The following KRT39 variants were observed in gnomAD, a reference collection of about 807,000 sequenced individuals.
The protein encoded by KRT39 is keratin 39, also known as keratin, type I cytoskeletal 39.
A neutral mutation model predicts 54.8 loss-of-function variants in KRT39; 47 were observed. The observed-to-expected ratio is 0.86, with a 90% CI of 0.68 to 1.09. The LOEUF (loss-of-function observed/expected upper bound fraction) is 1.09, where lower values mean the gene tolerates loss of function less well. Among genes scored for constraint, KRT39 ranks in the 50% least tolerant of loss-of-function variants. The probability of loss-of-function intolerance (pLI) is 0.00; values close to 1 mark genes in which losing one functional copy is unlikely to be tolerated. For missense variants in KRT39, 580 were observed against 598.5 expected, an observed-to-expected ratio of 0.97 and a Z score of 0.32; for synonymous variants, 207 against 227.9, an observed-to-expected ratio of 0.91 and a Z score of 0.83.
In KRT39 at chr17:40,965,438, C is replaced by G. The variant is rs182693700; in HGVS notation, c.469-910G>C. On this transcript the variant is annotated intron_variant, in intron 1 of 6. Coordinates refer to ENST00000355612, the MANE Select transcript of KRT39 (RefSeq NM_213656.4). ...ATCCATCCTAAATTTATATAAATACCATGATCCACTAGAATGTCAACTCCA... is the reference window on the plus strand; with the variant it reads ...ATCCATCCTAAATTTATATAAATACGATGATCCACTAGAATGTCAACTCCA... Among the ~76,000 whole-genome samples the G allele has an allele frequency of 2.8e-4, 42 of 152,030 alleles. No individual in the cohort carries two copies. In the East Asian group the frequency reaches 7.7e-3, roughly 28 times the overall value.
Position 40,966,869 on chromosome 17 carries a change from G to C in KRT39, c.-13C>G. 2 of 1,554,348 alleles carry C rather than the reference G, an allele frequency of 1.3e-6. No individual in the cohort carries two copies. The highest frequency in any genetic ancestry group is 2.2e-5 in the South Asian group (2 of 89,882). On this transcript the variant is annotated 5_prime_UTR_variant, in exon 1 of 7. Transcript: ENST00000355612. ...CCTTGGTGTCCATAGTATGTGTCTG[G>C]CTTTAGTTTGTTCCAGGTCTGTGGT...
Position 40,963,800 on chromosome 17 carries a change from G to A in KRT39, c.552-17C>T. 1 of 1,558,800 alleles carries A rather than the reference G, an allele frequency of 6.4e-7. No individual in the cohort carries two copies. Among genetic ancestry groups the A allele is most frequent in the Non-Finnish European group, 8.8e-7 (1 of 1,139,944 alleles). On this transcript the variant is annotated splice_polypyrimidine_tract_variant and intron_variant, in intron 2 of 6. Coordinates refer to ENST00000355612, the MANE Select transcript of KRT39 (RefSeq NM_213656.4). ...GCTTCGTATCTTTAAAAACCAGATG[G>A]GAAAAGAGAGACATCTGAAAGGAGA...
intron 3 of KRT39, among the ~76,000 whole-genome samples, chr17:40,963,027 A>G (rs1183730722): frequency 1.3e-5 from 2 of 152,162 alleles, no homozygotes; most frequent in African/African-American, 4.8e-5. Context: ...CTTCTTGTAG[A>G]AAAGCTGGAG....
chr17:40,960,243 C>T (rs1390333353), intron 6 of KRT39, 38 bp downstream of exon 6: 2 of 1,572,468 alleles, frequency 1.3e-6, no homozygotes, highest in Non-Finnish European at 1.7e-6. Context: ...CGTTCATTTA[C>T]ACTTTTTTGT....
chr17:40,966,312 A>T (rs918075), intron 1 of KRT39, 77 bp downstream of exon 1: 288,443 of 1,229,518 alleles, frequency 0.23, 35,338 homozygotes, highest in Admixed American at 0.32. Context: ...AACAAAAAAT[A>T]TTAAAGTTTA....
At chr17:40,960,242 A>C in intron 6 of KRT39, 39 bp downstream of exon 6, 4 of 1,568,414 alleles carry the variant, frequency 2.6e-6, no homozygotes, top group South Asian at 2.2e-5. Flanking sequence ...GCGTTCATTT[A>C]CACTTTTTTG....
Position 40,966,507 on chromosome 17 carries a change from A to G in KRT39, c.350T>C (p.Leu117Pro). 1 of 1,614,172 alleles carries G rather than the reference A, an allele frequency of 6.2e-7. No individual in the cohort carries two copies. Among genetic ancestry groups the G allele is most frequent in the Non-Finnish European group, 8.5e-7 (1 of 1,180,022 alleles). ...LANYLQKVRM[L>P]ERENAELESK... ...TTCCAGTTCAGCATTCTCTCGTTCT[A>G]GCATTCGCACCTTTTGCAGGTAGTT... The change falls in exon 1 of 7, where the codon CTA (leucine) becomes CCA (proline). Residue 117 changes from leucine (L) to proline (P), a missense_variant. Transcript: ENST00000355612.
intron 5 of KRT39, among the ~76,000 whole-genome samples, chr17:40,961,370 C>G (rs1911145729): frequency 6.6e-6 from 1 of 152,012 alleles, no homozygotes; most frequent in Non-Finnish European, 1.5e-5. Context: ...ATGATTATCC[C>G]AATTTTTATA....
At chr17:40,962,324 A>T in intron 4 of KRT39, 37 bp from the exon 5 acceptor site, 1 of 1,612,522 alleles carries the variant, frequency 6.2e-7, no homozygotes, top group Middle Eastern at 1.7e-4. Flanking sequence ...ATATTATGGG[A>T]GGAAAACATG....
In KRT39 at chr17:40,966,666, C is replaced by T. The variant is rs765727906; in HGVS notation, c.191G>A (p.Arg64His). The change falls in exon 1 of 7, where the codon CGC (arginine) becomes CAC (histidine). Residue 64 changes from arginine to histidine, a missense_variant. Coordinates refer to ENST00000355612, the MANE Select transcript of KRT39 (RefSeq NM_213656.4). ...TAGGTAGATGGGCTTGCGACAAAAG[C>T]GAGGAGTGGGTTGGCAGCCCTGGTC... ...PWDQGCQPTP[R>H]FCRKPIYLMN... The T allele has an allele frequency of 8.7e-6, 14 of 1,614,032 alleles. No individual in the cohort carries two copies. Among genetic ancestry groups the T allele is most frequent in the East Asian group, 2.2e-5 (1 of 44,890 alleles).
chr17:40,964,385 G>C, intron 2 of KRT39, 61 bp downstream of exon 2: 2 of 1,410,972 alleles, frequency 1.4e-6, no homozygotes, highest in Non-Finnish European at 2.0e-6. Context: ...ATTTTGTTGA[G>C]GGCATCTCGG....
rs5820378 is a variant in KRT39 at position 40,966,879 on chromosome 17, G to GT, written c.-24dup. 0.3 allele frequency: 465,839 copies of GT among 1,551,464 alleles called. 77,772 individuals carry two copies. Among genetic ancestry groups the GT allele is most frequent in the African/African-American group, 0.68 (50,096 of 73,614 alleles). On this transcript the variant is annotated 5_prime_UTR_variant, in exon 1 of 7. Coordinates refer to ENST00000355612, the MANE Select transcript of KRT39 (RefSeq NM_213656.4). ...CATAGTATGTGTCTGGCTTTAGTTT[G>GT]TTCCAGGTCTGTGGTCACCAGGATG...
Position 40,958,507 on chromosome 17 carries a change from T to C in KRT39, c.*94A>G. On this transcript the variant is annotated 3_prime_UTR_variant, in exon 7 of 7. Transcript: ENST00000355612. ...CTGTAGTAGTAAGAAACTAAGTACC[T>C]TAAGGGACTGGGGAGTTTTCTTAAA... is the stretch of plus-strand genomic sequence containing the variant. 4.9e-6 allele frequency: 7 copies of C among 1,435,784 alleles called. No homozygotes were observed. The highest frequency in any genetic ancestry group is 6.6e-6 in the Non-Finnish European group (7 of 1,064,448). 88.9% of individuals were successfully genotyped at this position (1,435,784 alleles called of 1,614,324 possible).
At chr17:40,962,095 G>T in intron 5 of KRT39, 67 bp downstream of exon 5, 1 of 1,558,270 alleles carries the variant, frequency 6.4e-7, no homozygotes, top group Non-Finnish European at 8.7e-7. Context: ...GGGAAATACT[G>T]CAGCACACAG....
intron 1 of KRT39, 33 bp downstream of exon 1, chr17:40,966,356 C>A: frequency 6.7e-7 from 1 of 1,482,186 alleles, no homozygotes; most frequent in East Asian, 2.3e-5. Context: ...CATTAATTCA[C>A]AACACGATTA....
chr17:40,960,578 A>T (rs1181517939), intron 5 of KRT39, 77 bp from the exon 6 acceptor site: 3 of 1,095,494 alleles, frequency 2.7e-6, no homozygotes, highest in Non-Finnish European at 4.1e-6. Flanking sequence ...TCATTTAAAA[A>T]AAATGGTTTC....
intron 5 of KRT39, 136 bp downstream of exon 5, chr17:40,962,026 C>G: frequency 8.0e-7 from 1 of 1,255,864 alleles, no homozygotes; most frequent in Non-Finnish European, 1.1e-6. Context: ...CCACAAAGCT[C>G]TTTTTCAGCC....
At chr17:40,959,774 T>C (rs1276561027) in intron 6 of KRT39, among the ~76,000 whole-genome samples, 1 of 152,242 alleles carries the variant, frequency 6.6e-6, no homozygotes, top group Non-Finnish European at 1.5e-5. Flanking sequence ...AACTTTTATT[T>C]TTTAAAAAAG....
intron 5 of KRT39, among the ~76,000 whole-genome samples, chr17:40,961,045 G>A (rs559259214): frequency 6.6e-6 from 1 of 152,058 alleles, no homozygotes; most frequent in East Asian, 1.9e-4. Context: ...GCAGAGAATT[G>A]CTTGAACCCG....
Sources: gnomAD v4.1 joint callset for allele counts (sites outside exome capture counted in the v4.1 genomes callset) on GRCh38, gnomAD v4.1.1 for gene constraint, MANE v1.5 for transcripts, NCBI Gene and HGNC (gene_info 2026-07-23, HGNC 2026-07-21) for gene names.